Variants in ANTXR1 observed in about 807,000 individuals in gnomAD.
ANTXR1 encodes the protein ANTXR cell adhesion molecule 1.
Under a neutral mutation model 78.1 loss-of-function variants are expected in ANTXR1, and 19 were observed. The ratio of observed to expected loss-of-function variants is 0.24; its 90% CI spans 0.17 to 0.36. ANTXR1 has a LOEUF of 0.36. Ranked by LOEUF, ANTXR1 falls within the 10% of genes least tolerant of loss-of-function variation. ANTXR1 has a pLI of 1.00. For missense variants in ANTXR1, 518 were observed against 718.6 expected (o/e 0.72, Z 3.19); for synonymous variants, 273 against 260.5 (o/e 1.05, Z -0.46).
At chr2:69,031,367 A>G (rs984036950) in intron 1 of ANTXR1, among the ~76,000 whole-genome samples, 2 of 152,190 alleles carry the variant, frequency 1.3e-5, no homozygotes, top group Non-Finnish European at 2.9e-5. Flanking sequence ...TCTGCAAATT[A>G]TGTAGCTTAT....
chr2:69,122,883 T>G (rs1363292602), intron 10 of ANTXR1, 134 bp from the exon 11 acceptor site: 6 of 901,644 alleles, frequency 6.7e-6, no homozygotes, highest in Non-Finnish European at 9.1e-6. Flanking sequence ...CTGTACAGCT[T>G]AAGTTTTTAA....
At chr2:69,223,485 G>A (rs1309794702) in intron 17 of ANTXR1, among the ~76,000 whole-genome samples, 1 of 152,172 alleles carries the variant, frequency 6.6e-6, no homozygotes, top group Admixed American at 6.5e-5. Context: ...AAGGAAAGCT[G>A]TTGTTGGAAG....
chr2:69,047,476 G>GT (rs1366164102), intron 3 of ANTXR1, among the ~76,000 whole-genome samples: 1 of 152,054 alleles, frequency 6.6e-6, no homozygotes, highest in Non-Finnish European at 1.5e-5. Context: ...GGAATGTGTC[G>GT]TTTTTCTCTG....
chr2:69,218,221 C>T (rs1482339610), intron 17 of ANTXR1, among the ~76,000 whole-genome samples: 1 of 152,156 alleles, frequency 6.6e-6, no homozygotes, highest in African/African-American at 2.4e-5. Context: ...TAAAATTAAG[C>T]TGGCAAGATT....
At position 69,238,182 on chromosome 2, in the gene ANTXR1, G is replaced by A. The variant is rs545027291; in HGVS notation, c.1435-7043G>A. 3.9e-5 allele frequency among the ~76,000 whole-genome samples: 6 copies of A among 152,290 alleles called. No homozygotes were observed. In the East Asian group the frequency reaches 1.2e-3, roughly 29 times the overall value. ...GTGGTCATTCCAAATTCGCAGGAGA[G>A]AGAATCTGATTGGTCTAGCTCAGCA... is the stretch of plus-strand genomic sequence containing the variant. On this transcript the variant is annotated intron_variant, in intron 17 of 17. Coordinates refer to ENST00000303714, the MANE Select transcript of ANTXR1 (RefSeq NM_032208.3).
In ANTXR1 at chr2:69,092,857, T is replaced by A. The variant is rs189474624; in HGVS notation, c.703+1938T>A. ...GAATTGAGTAGGATATTTGATTAAT[T>A]AAATCTCATGTAGTGTGTGTGAATT... On this transcript the variant is annotated intron_variant, in intron 9 of 17. Coordinates refer to ENST00000303714, the MANE Select transcript of ANTXR1 (RefSeq NM_032208.3). Among the ~76,000 whole-genome samples, 324 of 152,336 alleles carry A rather than the reference T, an allele frequency of 2.1e-3. 1 individual carries two copies. The highest frequency in any genetic ancestry group is 7.5e-3 in the African/African-American group (312 of 41,578).
At position 69,181,723 on chromosome 2, in the gene ANTXR1, TAG is replaced by T. The variant is rs1163425451; in HGVS notation, c.1090-62_1090-61del. On this transcript the variant is annotated intron_variant, in intron 14 of 17. Coordinates refer to ENST00000303714, the MANE Select transcript of ANTXR1 (RefSeq NM_032208.3). ...AGCTCTACTCCTAATCACTTGGCTG[TAG>T]TAGGCAGGTCCACACAGCAGTGCTG... 3.4e-6 allele frequency: 5 copies of T among 1,477,538 alleles called. No homozygotes were observed. In the Admixed American group the frequency reaches 5.0e-5, roughly 15 times the overall value. The allele number at this position is 1,477,538 out of a possible 1,614,324, so 91.5% of individuals were successfully genotyped here.
Position 69,246,997 on chromosome 2 carries a change from T to C in ANTXR1, c.*1512T>C, listed in dbSNP as rs1676036234. 5 of 152,168 alleles carry C rather than the reference T, an allele frequency of 3.3e-5. No individual in the cohort carries two copies. The allele number at this position is 152,168 out of a possible 1,614,324, so 9.4% of individuals were successfully genotyped here. A position where few individuals can be genotyped will look rare whatever the true frequency, so the allele number is the denominator to read the frequency against. On this transcript the variant is annotated 3_prime_UTR_variant, in exon 18 of 18. Coordinates refer to ENST00000303714, the MANE Select transcript of ANTXR1 (RefSeq NM_032208.3). ...ATGGTCTCCAAAGATCCTTCAAAAA[T>C]ACATCAAGCCAGCTTCATTCACTCA...
chr2:69,018,273 G>A (rs1671085147), intron 1 of ANTXR1, among the ~76,000 whole-genome samples: 2 of 151,858 alleles, frequency 1.3e-5, no homozygotes, highest in Admixed American at 6.6e-5. Context: ...CCTTCTGTTC[G>A]GCACCAGTTT....
At chr2:69,022,700 C>A (rs549169050) in intron 1 of ANTXR1, among the ~76,000 whole-genome samples, 7 of 152,198 alleles carry the variant, frequency 4.6e-5, no homozygotes, top group Admixed American at 1.3e-4. Flanking sequence ...CAGGTCCCTC[C>A]CTCAGTGAGT....
chr2:69,247,187 T>TCAACAGTCAGATGAACC lies in ANTXR1; in HGVS notation c.*1717_*1733dup. ...AATTACAATTCCAAAGAGCCGCCAC[T>TCAACAGTCAGATGAACC]CAACAGTCAGATGAACCCAACAGTC... is the stretch of plus-strand genomic sequence containing the variant. On this transcript the variant is annotated 3_prime_UTR_variant, in exon 18 of 18. Transcript: ENST00000303714. 1 of 153,108 alleles carries TCAACAGTCAGATGAACC rather than the reference T, an allele frequency of 6.5e-6. No homozygotes were observed. Among genetic ancestry groups the TCAACAGTCAGATGAACC allele is most frequent in the African/African-American group, 2.4e-5 (1 of 41,522 alleles). 9.5% of individuals were successfully genotyped at this position (153,108 alleles called of 1,614,324 possible).
chr2:69,149,442 A>T (rs1185600030), intron 12 of ANTXR1, among the ~76,000 whole-genome samples: 1 of 152,256 alleles, frequency 6.6e-6, no homozygotes, highest in African/African-American at 2.4e-5. Flanking sequence ...ACCTTCCTCT[A>T]GAAGGAAGTA....
chr2:69,015,999 G>A (rs1671014468), intron 1 of ANTXR1, among the ~76,000 whole-genome samples: 2 of 152,142 alleles, frequency 1.3e-5, no homozygotes, highest in Admixed American at 1.3e-4. Flanking sequence ...TTATTAGGTT[G>A]GCAAAAACTT....
chr2:69,196,381 T>A (rs1481357917), intron 17 of ANTXR1, among the ~76,000 whole-genome samples: 2 of 152,240 alleles, frequency 1.3e-5, no homozygotes, highest in South Asian at 2.1e-4. Flanking sequence ...GAGAAATCGA[T>A]ACAGAAAATT....
At chr2:69,145,945 A>G in intron 12 of ANTXR1, 1 of 985,544 alleles carries the variant, frequency 1.0e-6, no homozygotes, top group South Asian at 4.7e-5. Flanking sequence ...CCAAATGTAT[A>G]CCTTTGAGAA....
chr2:69,030,316 A>T (rs2104027092), intron 1 of ANTXR1, among the ~76,000 whole-genome samples: 1 of 152,356 alleles, frequency 6.6e-6, no homozygotes, highest in East Asian at 1.9e-4. Flanking sequence ...ACGCATACAG[A>T]CAGCAGGAAA....
chr2:69,110,819 G>A (rs75759504), intron 10 of ANTXR1, among the ~76,000 whole-genome samples: 57,156 of 151,440 alleles, frequency 0.38, 11,206 homozygotes, highest in East Asian at 0.49. Context: ...CCAAGATTGG[G>A]CCACTGCATT....
chr2:69,056,203 G>A (rs1347312109), intron 3 of ANTXR1, among the ~76,000 whole-genome samples: 2 of 152,124 alleles, frequency 1.3e-5, no homozygotes, highest in Non-Finnish European at 2.9e-5. Context: ...CATATCCAAA[G>A]CTAGCTAGCC....
At chr2:69,170,050 C>T (rs1196534077) in intron 13 of ANTXR1, among the ~76,000 whole-genome samples, 198 bp from the exon 14 acceptor site, 2 of 152,252 alleles carry the variant, frequency 1.3e-5, no homozygotes, top group Non-Finnish European at 2.9e-5. Context: ...CTGGAACCCT[C>T]AGCCTGAGTC....
Sources: gnomAD v4.1 joint callset for allele counts (sites outside exome capture counted in the v4.1 genomes callset) on GRCh38, gnomAD v4.1.1 for gene constraint, MANE v1.5 for transcripts, NCBI Gene and HGNC (gene_info 2026-07-23, HGNC 2026-07-21) for gene names.